The following LRRC18 variants were observed in gnomAD, a reference collection of about 807,000 sequenced individuals.
LRRC18 encodes leucine-rich repeat-containing protein 18.
In LRRC18, 12 loss-of-function variants were observed where a neutral mutation model predicts 11.2. That is an observed-to-expected ratio of 1.07 (90% CI 0.69 to 1.74). LRRC18 has a LOEUF of 1.74. LRRC18 is among the 40% of genes most tolerant of loss of function. LRRC18 has a pLI of 0.00. For synonymous variants in LRRC18, 155 were observed against 130.6 expected (o/e 1.19, Z -1.27); for missense variants, 374 against 330.5 (o/e 1.13, Z -1.02).
the LRRC18 span, among the ~76,000 whole-genome samples, chr10:48,934,418 A>G: frequency 9.2e-5 from 14 of 152,194 alleles, no homozygotes; most frequent in African/African-American, 1.7e-4. Flanking sequence ...GGATACAGCA[A>G]TTGAGGCTCA....
chr10:48,913,637 G>T (rs1263240734), exon 1 of LRRC18: 1 of 1,613,920 alleles, frequency 6.2e-7, no homozygotes, highest in Admixed American at 1.7e-5. Flanking sequence ...TCCGCTTTAT[G>T]TTGAGCTTTT....
intron 1 of LRRC18, among the ~76,000 whole-genome samples, chr10:48,911,871 G>A (rs1200688724): frequency 6.6e-6 from 1 of 152,172 alleles, no homozygotes; most frequent in Non-Finnish European, 1.5e-5. Flanking sequence ...AAATATGATA[G>A]GGTTGTCATA....
chr10:48,910,958 T>C, intron 1 of LRRC18: 1 of 971,848 alleles, frequency 1.0e-6, no homozygotes. Context: ...GGAGGGAAAA[T>C]TAATTCTAAA....
exon 2 of LRRC18, chr10:48,909,970 A>G: frequency 2.0e-6 from 1 of 505,038 alleles, no homozygotes; most frequent in South Asian, 2.7e-5. Flanking sequence ...TATAATATAT[A>G]ATCTGTAATT....
intron 1 of LRRC18, 105 bp from the exon 4 acceptor site, chr10:48,910,363 C>T (rs1381098840): frequency 1.1e-6 from 1 of 947,384 alleles, no homozygotes; most frequent in Admixed American, 1.7e-5. Context: ...GCCTGACCTT[C>T]AGGATGGTCA....
chr10:48,917,872 T>G (rs1232518892), upstream of LRRC18, among the ~76,000 whole-genome samples: 3 of 152,154 alleles, frequency 2.0e-5, no homozygotes, highest in African/African-American at 7.2e-5. Flanking sequence ...AAAATATGTA[T>G]GTGATCGAAA....
chr10:48,933,375 G>C, the LRRC18 span, among the ~76,000 whole-genome samples: 1 of 152,240 alleles, frequency 6.6e-6, no homozygotes. Context: ...GCCTCGACTG[G>C]AGCCAGCATC....
the LRRC18 span, among the ~76,000 whole-genome samples, chr10:48,933,514 C>G: frequency 6.6e-6 from 1 of 152,224 alleles, no homozygotes; most frequent in East Asian, 1.9e-4. Context: ...CCTGACTCAT[C>G]ATGTTCTGCA....
chr10:48,925,248 T>G, the LRRC18 span, among the ~76,000 whole-genome samples: 1 of 152,190 alleles, frequency 6.6e-6, no homozygotes, highest in Non-Finnish European at 1.5e-5. Flanking sequence ...CAGATCACTC[T>G]GTGTCCTCTG....
At chr10:48,938,693 G>A in the LRRC18 span, among the ~76,000 whole-genome samples, 1 of 152,206 alleles carries the variant, frequency 6.6e-6, no homozygotes, top group South Asian at 2.1e-4. Context: ...TGGCAGTAGC[G>A]CTCAAGCTTC....
the LRRC18 span, among the ~76,000 whole-genome samples, chr10:48,928,804 A>C: frequency 6.6e-6 from 1 of 152,208 alleles, no homozygotes; most frequent in Admixed American, 6.5e-5. Flanking sequence ...AAATGACTGC[A>C]AAGGGGAATG....
At chr10:48,909,654 A>C (rs1386743774) in exon 2 of LRRC18, 1 of 152,280 alleles carries the variant, frequency 6.6e-6, no homozygotes, top group African/African-American at 2.4e-5. Flanking sequence ...GGGAGGTGCC[A>C]AGGTCTTTTT....
intron 1 of LRRC18, 113 bp downstream of exon 3, chr10:48,913,279 T>G (rs1050947217): frequency 2.0e-6 from 2 of 1,018,140 alleles, no homozygotes; most frequent in Admixed American, 2.3e-5. Context: ...TGGGCTTGGC[T>G]GAAAGAGCTG....
chr10:48,921,158 T>A, the LRRC18 span, among the ~76,000 whole-genome samples: 1 of 152,144 alleles, frequency 6.6e-6, no homozygotes, highest in African/African-American at 2.4e-5. Flanking sequence ...AAACTAGGAA[T>A]GGAAAATAAT....
At chr10:48,930,844 G>A in the LRRC18 span, among the ~76,000 whole-genome samples, 1 of 152,130 alleles carries the variant, frequency 6.6e-6, no homozygotes, top group East Asian at 1.9e-4. Flanking sequence ...AAGATGTCAT[G>A]TTAGTGAAAG....
the LRRC18 span, among the ~76,000 whole-genome samples, chr10:48,923,130 C>T: frequency 2.7e-4 from 41 of 152,258 alleles, no homozygotes; most frequent in African/African-American, 9.1e-4. Flanking sequence ...TGGCTTGTCC[C>T]ACGTTGGAAG....
upstream of LRRC18, among the ~76,000 whole-genome samples, chr10:48,914,496 G>A (rs192120856): frequency 6.6e-6 from 1 of 152,086 alleles, no homozygotes; most frequent in Non-Finnish European, 1.5e-5. Flanking sequence ...GCCATGCCCC[G>A]ACTTATAAAT....
At chr10:48,924,035 T>C in the LRRC18 span, among the ~76,000 whole-genome samples, 17 of 152,160 alleles carry the variant, frequency 1.1e-4, no homozygotes, top group African/African-American at 3.6e-4. Flanking sequence ...AGAGAACTCC[T>C]CCGTTAAGGA....
chr10:48,933,930 G>T, the LRRC18 span, among the ~76,000 whole-genome samples: 1 of 152,108 alleles, frequency 6.6e-6, no homozygotes, highest in Non-Finnish European at 1.5e-5. Context: ...GGCCCAAGCA[G>T]AAGCTGGAGG....
Sources: gnomAD v4.1 joint callset for allele counts (sites outside exome capture counted in the v4.1 genomes callset) on GRCh38, gnomAD v4.1.1 for gene constraint, MANE v1.5 for transcripts, NCBI Gene and HGNC (gene_info 2026-07-23, HGNC 2026-07-21) for gene names.